Variants in PRLR observed in about 807,000 individuals in gnomAD.
The protein encoded by PRLR is prolactin receptor.
PRLR carries 13 observed loss-of-function variants against 40.2 expected under a neutral mutation model. The ratio of observed to expected loss-of-function variants is 0.32; its 90% CI spans 0.21 to 0.51. PRLR has a LOEUF of 0.51. PRLR is among the 20% of genes least tolerant of loss of function. PRLR has a pLI of 0.97. For synonymous variants in PRLR, 269 were observed against 278.7 expected (o/e 0.97, Z 0.35); for missense variants, 656 against 747.3 (o/e 0.88, Z 1.42).
intron 5 of PRLR, among the ~76,000 whole-genome samples, chr5:35,079,950 T>C (rs574694947): frequency 6.6e-6 from 1 of 152,344 alleles, no homozygotes; most frequent in South Asian, 2.1e-4. Context: ...GGATTCCCTA[T>C]TTAATAAATG....
intron 1 of PRLR, among the ~76,000 whole-genome samples, chr5:35,119,021 C>T (rs1037071773): frequency 6.6e-6 from 1 of 152,066 alleles, no homozygotes; most frequent in Non-Finnish European, 1.5e-5. Flanking sequence ...GTCTCAAACT[C>T]CTGGCGTCAA....
chr5:35,143,561 GTA>G (rs1034828742), intron 1 of PRLR, among the ~76,000 whole-genome samples: 4 of 152,060 alleles, frequency 2.6e-5, no homozygotes, highest in African/African-American at 7.2e-5. Flanking sequence ...TAGTTATCTG[GTA>G]TATTTGTTCA....
At chr5:35,161,621 T>C (rs1199749647) in intron 1 of PRLR, among the ~76,000 whole-genome samples, 1 of 152,200 alleles carries the variant, frequency 6.6e-6, no homozygotes, top group East Asian at 1.9e-4. Context: ...GTCTTGAAAA[T>C]ATCTGATCAT....
chr5:35,220,873 T>C (rs1204374514), intron 1 of PRLR, among the ~76,000 whole-genome samples: 1 of 152,228 alleles, frequency 6.6e-6, no homozygotes, highest in African/African-American at 2.4e-5. Flanking sequence ...TACAAAAACC[T>C]GGTTTCTTTT....
chr5:35,205,699 T>C (rs1167214493), intron 1 of PRLR, among the ~76,000 whole-genome samples: 2 of 152,156 alleles, frequency 1.3e-5, no homozygotes, highest in African/African-American at 4.8e-5. Flanking sequence ...CCAAAGATGA[T>C]GACTTTTTAT....
intron 6 of PRLR, among the ~76,000 whole-genome samples, chr5:35,071,610 A>AT (rs1290421285): frequency 6.6e-6 from 1 of 151,832 alleles, no homozygotes; most frequent in Admixed American, 6.6e-5. Flanking sequence ...TTATTTATTT[A>AT]TTTTTTGAGA....
chr5:35,073,578 G>A (rs966948128), intron 5 of PRLR, among the ~76,000 whole-genome samples: 4 of 152,138 alleles, frequency 2.6e-5, no homozygotes, highest in East Asian at 1.9e-4. Context: ...GAAATTACTC[G>A]CCTAAGGTCA....
chr5:35,171,191 C>T (rs1774986570), intron 1 of PRLR, among the ~76,000 whole-genome samples: 2 of 152,024 alleles, frequency 1.3e-5, no homozygotes. Context: ...AGCAAACACT[C>T]CAAGATCTCA....
At chr5:35,150,490 T>G (rs1341589941) in intron 1 of PRLR, among the ~76,000 whole-genome samples, 1 of 152,228 alleles carries the variant, frequency 6.6e-6, no homozygotes, top group Non-Finnish European at 1.5e-5. Context: ...AGAATTGTGC[T>G]GTCAGACTAA....
intron 5 of PRLR, among the ~76,000 whole-genome samples, chr5:35,082,965 CT>C (rs1770611024): frequency 6.6e-6 from 1 of 152,006 alleles, no homozygotes; most frequent in South Asian, 2.1e-4. Flanking sequence ...TAGTGAGTCC[CT>C]TTTTTTGTGG....
chr5:35,155,913 T>C (rs1454688972), intron 1 of PRLR, among the ~76,000 whole-genome samples: 1 of 152,212 alleles, frequency 6.6e-6, no homozygotes, highest in Middle Eastern at 3.2e-3. Flanking sequence ...CTGAAAAATA[T>C]ATAAATGCAC....
chr5:35,192,299 A>G (rs904067416), intron 1 of PRLR, among the ~76,000 whole-genome samples: 2 of 152,128 alleles, frequency 1.3e-5, no homozygotes, highest in African/African-American at 4.8e-5. Context: ...TCTGTTCTTT[A>G]ATGTCCCTGG....
chr5:35,223,020 C>T (rs1447035827), intron 1 of PRLR, among the ~76,000 whole-genome samples: 1 of 152,222 alleles, frequency 6.6e-6, no homozygotes, highest in African/African-American at 2.4e-5. Flanking sequence ...CACTATAGGA[C>T]ACCCCCAAAG....
chr5:35,130,243 A>C (rs1773621493), intron 1 of PRLR: 1 of 152,162 alleles, frequency 6.6e-6, no homozygotes, highest in Non-Finnish European at 1.5e-5. Flanking sequence ...TGGTGGTTGG[A>C]TTTGTTTGAT....
intron 2 of PRLR, among the ~76,000 whole-genome samples, chr5:35,106,081 T>C (rs535293576): frequency 3.4e-3 from 523 of 152,302 alleles, no homozygotes; most frequent in African/African-American, 0.012. Context: ...TCAACATTCT[T>C]AAAGAAAAGA....
At position 35,056,471 on chromosome 5, in the gene PRLR, A is replaced by G. The variant is rs1204105197; in HGVS notation, c.*8618T>C. The stretch of plus-strand genomic sequence containing the variant: ...CCCAAGATTTCAAAGTTTCTATTAA[A>G]TGGAAGTTGCATCTTCCAGCCCCAA... On this transcript the variant is annotated 3_prime_UTR_variant, in exon 10 of 10. Coordinates refer to ENST00000618457, the MANE Select transcript of PRLR (RefSeq NM_000949.7). 6.6e-6 allele frequency: 1 copy of G among 152,148 alleles called. No individual in the cohort carries two copies. 9.4% of individuals were successfully genotyped at this position (152,148 alleles called of 1,614,324 possible).
At position 35,229,170 on chromosome 5, in the gene PRLR, G is replaced by GA. The variant is rs553740562; in HGVS notation, c.-106+1097dup. Among the ~76,000 whole-genome samples, 96 of 149,176 alleles carry GA rather than the reference G, an allele frequency of 6.4e-4. 1 individual carries two copies. In the South Asian group the frequency reaches 0.01, roughly 16 times the overall value. On this transcript the variant is annotated intron_variant, in intron 1 of 9. Coordinates refer to ENST00000618457, the MANE Select transcript of PRLR (RefSeq NM_000949.7). ...ATTAATTAATTCCCTAAACTTTGCA[G>GA]AAAAAAAATCGAAGCCCAGAGAGGG...
At chr5:35,143,886 T>G (rs1774096115) in intron 1 of PRLR, among the ~76,000 whole-genome samples, 1 of 149,954 alleles carries the variant, frequency 6.7e-6, no homozygotes, top group African/African-American at 2.5e-5. Context: ...TAGAATAATA[T>G]GAGTATGACA....
chr5:35,228,826 C>T (rs886710053), intron 1 of PRLR, among the ~76,000 whole-genome samples: 5 of 152,054 alleles, frequency 3.3e-5, no homozygotes, highest in Non-Finnish European at 7.4e-5. Flanking sequence ...ACAGTCAGCC[C>T]AACCAGCAGC....
Sources: gnomAD v4.1 joint callset for allele counts (sites outside exome capture counted in the v4.1 genomes callset) on GRCh38, gnomAD v4.1.1 for gene constraint, MANE v1.5 for transcripts, NCBI Gene and HGNC (gene_info 2026-07-23, HGNC 2026-07-21) for gene names.